SCHIP1: variants seen among roughly 807,000 people sequenced by gnomAD.
The protein encoded by SCHIP1 is schwannomin-interacting protein 1.
A neutral mutation model predicts 29.7 loss-of-function variants in SCHIP1; 8 were observed. The observed-to-expected ratio is 0.27, with a 90% CI of 0.16 to 0.49. The LOEUF is 0.49. SCHIP1 is among the 20% of genes least tolerant of loss of function. The pLI is 0.99. For synonymous variants in SCHIP1, 76 were observed against 94.9 expected, an observed-to-expected ratio of 0.80 and a Z score of 1.16; for missense variants, 193 against 294.6, an observed-to-expected ratio of 0.66 and a Z score of 2.52.
the SCHIP1 span, among the ~76,000 whole-genome samples, chr3:159,360,084 A>G: frequency 2.6e-5 from 4 of 152,194 alleles, no homozygotes; most frequent in Non-Finnish European, 5.9e-5. Flanking sequence ...GAATGGACAA[A>G]TGTAAATAGC....
the SCHIP1 span, among the ~76,000 whole-genome samples, chr3:159,500,084 T>G: frequency 6.6e-6 from 1 of 152,084 alleles, no homozygotes; most frequent in Non-Finnish European, 1.5e-5. Context: ...AATATTGAAG[T>G]TTTCAGTCTG....
the SCHIP1 span, among the ~76,000 whole-genome samples, chr3:159,787,746 T>C: frequency 6.6e-6 from 1 of 152,162 alleles, no homozygotes; most frequent in Non-Finnish European, 1.5e-5. Flanking sequence ...GAAGGAACAC[T>C]TTGCAGCTTA....
At chr3:159,477,729 T>C in the SCHIP1 span, among the ~76,000 whole-genome samples, 1 of 152,146 alleles carries the variant, frequency 6.6e-6, no homozygotes, top group Non-Finnish European at 1.5e-5. Context: ...CCATGGGTTG[T>C]CCCTCACTTT....
At chr3:159,338,372 G>A in the SCHIP1 span, among the ~76,000 whole-genome samples, 1 of 152,152 alleles carries the variant, frequency 6.6e-6, no homozygotes, top group Non-Finnish European at 1.5e-5. Context: ...GGAAACAAGT[G>A]TACAGGCTTT....
At chr3:159,441,475 T>C in the SCHIP1 span, among the ~76,000 whole-genome samples, 2 of 152,008 alleles carry the variant, frequency 1.3e-5, no homozygotes, top group East Asian at 1.9e-4. Flanking sequence ...CAGGTTTTTT[T>C]TGGCGGGGTG....
the SCHIP1 span, among the ~76,000 whole-genome samples, chr3:159,332,980 T>G: frequency 6.6e-6 from 1 of 152,166 alleles, no homozygotes; most frequent in Non-Finnish European, 1.5e-5. Flanking sequence ...TTTCAGTGCC[T>G]GTTGGAGACA....
chr3:159,544,548 C>T, the SCHIP1 span, among the ~76,000 whole-genome samples: 1 of 152,012 alleles, frequency 6.6e-6, no homozygotes, highest in Non-Finnish European at 1.5e-5. Flanking sequence ...TAAGTTTGAC[C>T]ATTCTGGTAG....
intron 1 of SCHIP1, among the ~76,000 whole-genome samples, chr3:159,859,333 A>T (rs888294651): frequency 2.0e-5 from 3 of 152,244 alleles, no homozygotes; most frequent in Non-Finnish European, 4.4e-5. Context: ...AAGAAAATTA[A>T]TAACATTTAC....
chr3:159,834,233 T>C, the SCHIP1 span, among the ~76,000 whole-genome samples: 127,079 of 152,208 alleles, frequency 0.83, 53,686 homozygotes, highest in East Asian at 1. Context: ...AACCAAGATG[T>C]AAGTTCTAAG....
At chr3:159,889,715 A>T (rs1350714210) in intron 5 of SCHIP1, among the ~76,000 whole-genome samples, 1 of 152,256 alleles carries the variant, frequency 6.6e-6, no homozygotes, top group Non-Finnish European at 1.5e-5. Flanking sequence ...TATGAGCCAA[A>T]CAGGGAAATG....
At chr3:159,691,499 AC>A in the SCHIP1 span, among the ~76,000 whole-genome samples, 2 of 142,814 alleles carry the variant, frequency 1.4e-5, no homozygotes, top group Non-Finnish European at 3.0e-5. Context: ...GTATCTTTGC[AC>A]CTGAGATGGG....
chr3:159,359,263 T>C, the SCHIP1 span, among the ~76,000 whole-genome samples: 843 of 152,086 alleles, frequency 5.5e-3, 2 homozygotes, highest in Admixed American at 9.3e-3. Flanking sequence ...CAAAGAAAAA[T>C]ACAATTATAT....
the SCHIP1 span, among the ~76,000 whole-genome samples, chr3:159,451,025 G>A: frequency 1.3e-5 from 2 of 152,122 alleles, no homozygotes; most frequent in South Asian, 4.2e-4. Context: ...AGCCAGGATG[G>A]TCTTGATCTC....
At chr3:159,560,604 T>C in the SCHIP1 span, among the ~76,000 whole-genome samples, 1 of 152,200 alleles carries the variant, frequency 6.6e-6, no homozygotes, top group Non-Finnish European at 1.5e-5. Flanking sequence ...CATGTCTCTT[T>C]TTCCACGCAT....
the SCHIP1 span, among the ~76,000 whole-genome samples, chr3:159,758,251 C>G: frequency 6.6e-6 from 1 of 152,128 alleles, no homozygotes; most frequent in Non-Finnish European, 1.5e-5. Flanking sequence ...CTGCTGGGTT[C>G]AAGCAATTCT....
the SCHIP1 span, among the ~76,000 whole-genome samples, chr3:159,571,439 T>C: frequency 6.6e-6 from 1 of 152,212 alleles, no homozygotes; most frequent in Non-Finnish European, 1.5e-5. Context: ...CATTTATTGA[T>C]TTGCATATGT....
At chr3:159,866,073 A>T in intron 1 of SCHIP1, 90 bp from the exon 3 acceptor site, 1 of 1,064,446 alleles carries the variant, frequency 9.4e-7, no homozygotes, top group Non-Finnish European at 1.4e-6. Context: ...ATCTAATGTT[A>T]CAGTTCTAAG....
the SCHIP1 span, among the ~76,000 whole-genome samples, chr3:159,294,319 T>G: frequency 6.6e-6 from 1 of 152,182 alleles, no homozygotes; most frequent in African/African-American, 2.4e-5. Flanking sequence ...TCTGCCTCAA[T>G]AGTAAATGAC....
At chr3:159,408,642 TAA>T in the SCHIP1 span, among the ~76,000 whole-genome samples, 1 of 152,090 alleles carries the variant, frequency 6.6e-6, no homozygotes, top group South Asian at 2.1e-4. Flanking sequence ...AAAGCCATAA[TAA>T]AAAGTCTCCC....
Sources: gnomAD v4.1 joint callset for allele counts (sites outside exome capture counted in the v4.1 genomes callset) on GRCh38, gnomAD v4.1.1 for gene constraint, MANE v1.5 for transcripts, NCBI Gene and HGNC (gene_info 2026-07-23, HGNC 2026-07-21) for gene names.